FMN1: variants seen among roughly 807,000 people sequenced by gnomAD.
The protein encoded by FMN1 is formin 1, also known as formin-1.
In FMN1, 110 loss-of-function variants were observed where a neutral mutation model predicts 132.4. The observed-to-expected ratio is 0.83, with a 90% CI of 0.71 to 0.97. FMN1 has a LOEUF of 0.97. Ranked by LOEUF, FMN1 falls within the 50% of genes least tolerant of loss-of-function variation. FMN1 has a pLI of 0.00. For synonymous variants in FMN1, 722 were observed against 651.7 expected (o/e 1.11, Z -1.64); for missense variants, 1,792 against 1,705.3 (o/e 1.05, Z -0.90).
chr15:32,982,173 C>T (rs534815837), intron 7 of FMN1, among the ~76,000 whole-genome samples: 13 of 152,224 alleles, frequency 8.5e-5, no homozygotes, highest in African/African-American at 3.1e-4. Flanking sequence ...CAGGAAGACA[C>T]AAATTAAAAC....
intron 5 of FMN1, among the ~76,000 whole-genome samples, chr15:33,086,313 T>C (rs59966779): frequency 0.17 from 17,081 of 102,588 alleles, 1,955 homozygotes; most frequent in East Asian, 0.67. Flanking sequence ...CATGCTTTTA[T>C]GTTTAAAAAA....
chr15:32,848,236 C>T (rs1393144419), intron 17 of FMN1, among the ~76,000 whole-genome samples: 1 of 152,076 alleles, frequency 6.6e-6, no homozygotes, highest in African/African-American at 2.4e-5. Flanking sequence ...AAGTGTGACG[C>T]CTGAAACTGA....
At chr15:32,919,173 T>TG (rs2060758479) in intron 10 of FMN1, among the ~76,000 whole-genome samples, 1 of 152,068 alleles carries the variant, frequency 6.6e-6, no homozygotes, top group African/African-American at 2.4e-5. Flanking sequence ...GGGTATTAAA[T>TG]GAAGTTTTCT....
chr15:33,102,009 C>G (rs2039311997), intron 4 of FMN1, among the ~76,000 whole-genome samples: 1 of 152,148 alleles, frequency 6.6e-6, no homozygotes, highest in African/African-American at 2.4e-5. Context: ...TCAGCACCCT[C>G]CTTAAATTTC....
chr15:33,040,610 T>A (rs559668885), intron 6 of FMN1, among the ~76,000 whole-genome samples: 2 of 152,350 alleles, frequency 1.3e-5, no homozygotes, highest in East Asian at 3.9e-4. Context: ...AGATATGATC[T>A]GGGAGCAATG....
chr15:33,157,325 T>C (rs1408166084), intron 3 of FMN1, among the ~76,000 whole-genome samples: 1 of 151,780 alleles, frequency 6.6e-6, no homozygotes, highest in Admixed American at 6.6e-5. Flanking sequence ...TAATTTCAAA[T>C]AGGAATATGA....
At chr15:33,065,419 A>ACCATACAC (rs2037679425) in intron 5 of FMN1, among the ~76,000 whole-genome samples, 1 of 152,222 alleles carries the variant, frequency 6.6e-6, no homozygotes, top group Admixed American at 6.5e-5. Flanking sequence ...ATGTGCATTT[A>ACCATACAC]TGGGAATGTT....
intron 13 of FMN1, among the ~76,000 whole-genome samples, chr15:32,901,200 G>A (rs2034609): frequency 0.06 from 9,167 of 152,158 alleles, 301 homozygotes; most frequent in East Asian, 0.12. Flanking sequence ...TCAGCTCCAG[G>A]CAGACTTCTT....
At chr15:33,064,761 C>G (rs1015747895) in intron 6 of FMN1, 196 bp downstream of exon 6, 1 of 414,254 alleles carries the variant, frequency 2.4e-6, no homozygotes. Context: ...CCACTGCATT[C>G]ATCTTTCATC....
chr15:33,142,781 G>A (rs973816260), intron 4 of FMN1, among the ~76,000 whole-genome samples: 1 of 152,226 alleles, frequency 6.6e-6, no homozygotes, highest in African/African-American at 2.4e-5. Flanking sequence ...CCCAGCTGGT[G>A]AGCCTTGCAG....
chr15:33,008,002 A>G lies in FMN1; in HGVS notation c.2223+12T>C, dbSNP rs773280744. ...TCTATAGAACCCGTTCAGTAGCATC[A>G]AAGAGGCATACCTGCAGGTTTTCAA... On this transcript the variant is annotated intron_variant, in intron 7 of 20. Transcript: ENST00000616417. The G allele has an allele frequency of 6.3e-6, 10 of 1,594,092 alleles. 1 individual carries two copies. The South Asian group carries it at 8.0e-5, about 13-fold the overall frequency.
At chr15:32,835,152 G>A (rs371707851) in intron 17 of FMN1, among the ~76,000 whole-genome samples, 61 of 152,304 alleles carry the variant, frequency 4.0e-4, no homozygotes, top group African/African-American at 1.4e-3. Flanking sequence ...AGCTGGAGGA[G>A]AGGGCAGGAC....
At chr15:32,832,552 G>A (rs1295091340) in intron 17 of FMN1, among the ~76,000 whole-genome samples, 2 of 152,060 alleles carry the variant, frequency 1.3e-5, no homozygotes, top group East Asian at 3.9e-4. Flanking sequence ...GGCCGAGGCG[G>A]GCAGATCATG....
At chr15:32,805,206 G>A (rs1432253730) in intron 17 of FMN1, among the ~76,000 whole-genome samples, 1 of 152,158 alleles carries the variant, frequency 6.6e-6, no homozygotes, top group Non-Finnish European at 1.5e-5. Context: ...CATTCTAACT[G>A]GAGTGAGATG....
intron 5 of FMN1, chr15:33,066,477 T>C: frequency 6.9e-7 from 1 of 1,448,594 alleles, no homozygotes; most frequent in South Asian, 1.5e-5. Flanking sequence ...AGCACCATAT[T>C]TTATGTTAAA....
At chr15:33,059,354 A>T (rs971349092) in intron 6 of FMN1, among the ~76,000 whole-genome samples, 7 of 152,234 alleles carry the variant, frequency 4.6e-5, no homozygotes, top group African/African-American at 1.7e-4. Flanking sequence ...TACAATGAAC[A>T]TGGGAGTGCA....
intron 6 of FMN1, among the ~76,000 whole-genome samples, chr15:33,023,059 CAAAAAAAAAA>C (rs758459713): frequency 3.8e-5 from 2 of 53,214 alleles, no homozygotes; most frequent in East Asian, 4.8e-4. Context: ...CTCCCCCACC[CAAAAAAAAAA>C]AAAAAAAAGA....
At chr15:32,924,236 G>A (rs937245963) in intron 10 of FMN1, among the ~76,000 whole-genome samples, 3 of 152,142 alleles carry the variant, frequency 2.0e-5, no homozygotes, top group Non-Finnish European at 4.4e-5. Flanking sequence ...CACTGTATCT[G>A]AGGTTTCATA....
chr15:32,899,516 C>T (rs998123706), intron 14 of FMN1, among the ~76,000 whole-genome samples: 9 of 152,178 alleles, frequency 5.9e-5, no homozygotes, highest in African/African-American at 2.2e-4. Flanking sequence ...GGTGTGGAGC[C>T]AAGTGATAAT....
Sources: gnomAD v4.1 joint callset for allele counts (sites outside exome capture counted in the v4.1 genomes callset) on GRCh38, gnomAD v4.1.1 for gene constraint, MANE v1.5 for transcripts, NCBI Gene and HGNC (gene_info 2026-07-23, HGNC 2026-07-21) for gene names.